Variants in IKZF2 observed in about 807,000 individuals in gnomAD.
IKZF2 encodes IKAROS family zinc finger 2, also known as zinc finger protein Helios.
IKZF2 carries 15 observed loss-of-function variants against 49.2 expected under a neutral mutation model. That is an observed-to-expected ratio of 0.30 (90% CI 0.20 to 0.47). The LOEUF (loss-of-function observed/expected upper bound fraction) is 0.47, where lower values mean the gene tolerates loss of function less well. IKZF2 is among the 20% of genes least tolerant of loss of function. The probability of loss-of-function intolerance (pLI) is 1.00; values close to 1 mark genes in which losing one functional copy is unlikely to be tolerated. For missense variants in IKZF2, 567 were observed against 664.6 expected, an observed-to-expected ratio of 0.85 and a Z score of 1.61; for synonymous variants, 227 against 221.4, an observed-to-expected ratio of 1.03 and a Z score of -0.23.
intron 6 of IKZF2, among the ~76,000 whole-genome samples, chr2:213,022,494 G>T (rs1697332428): frequency 9.7e-6 from 1 of 102,680 alleles, no homozygotes; most frequent in Admixed American, 1.2e-4. Context: ...ATCAAGAGTT[G>T]TGGTTTTTTT....
At chr2:213,018,252 T>C (rs1696824176) in intron 7 of IKZF2, among the ~76,000 whole-genome samples, 2 of 152,044 alleles carry the variant, frequency 1.3e-5, no homozygotes, top group Non-Finnish European at 2.9e-5. Context: ...ATAAGATAAA[T>C]AATCTGCCCT....
intron 5 of IKZF2, among the ~76,000 whole-genome samples, chr2:213,055,792 G>A (rs993051393): frequency 2.8e-4 from 43 of 152,130 alleles, no homozygotes; most frequent in African/African-American, 9.9e-4. Flanking sequence ...AAAAGACTTT[G>A]ACCTACCTTG....
intron 4 of IKZF2, among the ~76,000 whole-genome samples, chr2:213,135,224 C>T (rs1018959396): frequency 6.6e-6 from 1 of 152,148 alleles, no homozygotes; most frequent in African/African-American, 2.4e-5. Flanking sequence ...TATGTTTTAA[C>T]TCATTCTACT....
chr2:213,144,254 G>A (rs1360493754), intron 4 of IKZF2, among the ~76,000 whole-genome samples: 6 of 151,840 alleles, frequency 4.0e-5, no homozygotes, highest in Non-Finnish European at 7.4e-5. Flanking sequence ...TGACTGTACA[G>A]TTGATCCACT....
chr2:213,001,358 G>T lies in IKZF2; in HGVS notation c.*6002C>A, dbSNP rs1193855924. The stretch of plus-strand genomic sequence containing the variant: ...CCTTTCTAAACACTTGCAAATAACT[G>T]TCTAGTCTTTCATGATATACATTTT... On this transcript the variant is annotated 3_prime_UTR_variant, in exon 9 of 9. Coordinates refer to ENST00000434687, the MANE Select transcript of IKZF2 (RefSeq NM_001387220.1). 1 of 151,860 alleles carries T rather than the reference G, an allele frequency of 6.6e-6. No homozygotes were observed. The highest frequency in any genetic ancestry group is 1.5e-5 in the Non-Finnish European group (1 of 67,562). 9.4% of individuals were successfully genotyped at this position (151,860 alleles called of 1,614,324 possible).
chr2:213,078,895 T>A (rs910208620), intron 4 of IKZF2, among the ~76,000 whole-genome samples: 6 of 152,192 alleles, frequency 3.9e-5, no homozygotes, highest in African/African-American at 1.2e-4. Context: ...TTTCCAAACC[T>A]ATGAGAAACA....
In IKZF2 at chr2:213,008,040, T is replaced by C; in HGVS notation, c.901A>G (p.Met301Val). The change falls in exon 9 of 9, where the codon ATG (methionine) becomes GTG (valine). Residue 301 changes from methionine (M) to valine (V), a missense_variant. Physicochemically the swap from Met to Val is conservative, Grantham distance 21. Transcript: ENST00000434687. ...RFSYPDIHFD[M>V]NLTYEKEAEL... is the part of the protein sequence containing the mutation. ...GCCTCCTTCTCATATGTTAAGTTCA[T>C]ATCAAAGTGAATATCTGGGTAGCTG... 6.2e-7 allele frequency: 1 copy of C among 1,611,590 alleles called. No homozygotes were observed. The highest frequency in any genetic ancestry group is 8.5e-7 in the Non-Finnish European group (1 of 1,179,060).
At chr2:213,100,375 T>C (rs1487089220) in intron 4 of IKZF2, among the ~76,000 whole-genome samples, 2 of 152,010 alleles carry the variant, frequency 1.3e-5, no homozygotes, top group Admixed American at 6.6e-5. Flanking sequence ...TTAAGAATGA[T>C]AGATATTGAC....
chr2:213,113,187 A>G (rs1481640809), intron 4 of IKZF2, among the ~76,000 whole-genome samples: 2 of 152,166 alleles, frequency 1.3e-5, no homozygotes, highest in Admixed American at 1.3e-4. Flanking sequence ...ATAATCATTA[A>G]GTTGTCTCTT....
chr2:213,135,703 A>G (rs915952263), intron 4 of IKZF2, among the ~76,000 whole-genome samples: 1 of 152,084 alleles, frequency 6.6e-6, no homozygotes, highest in African/African-American at 2.4e-5. Context: ...AAAAGGAAAG[A>G]AAAAGGAAAA....
chr2:213,008,334 G>A (rs1195096691), intron 8 of IKZF2, among the ~76,000 whole-genome samples: 1 of 151,406 alleles, frequency 6.6e-6, no homozygotes, highest in South Asian at 2.1e-4. Context: ...CCAGTTCAAG[G>A]GATTCTCATG....
At chr2:213,019,904 T>G (rs1466933964) in intron 7 of IKZF2, among the ~76,000 whole-genome samples, 2 of 152,246 alleles carry the variant, frequency 1.3e-5, no homozygotes, top group Non-Finnish European at 2.9e-5. Flanking sequence ...CGTTAGCATT[T>G]GATTCTCTAA....
At chr2:213,056,077 G>C (rs2125377021) in intron 5 of IKZF2, among the ~76,000 whole-genome samples, 1 of 150,728 alleles carries the variant, frequency 6.6e-6, no homozygotes, top group South Asian at 2.1e-4. Context: ...TGCTTTTTAA[G>C]AAAAAAAAAT....
upstream of IKZF2, among the ~76,000 whole-genome samples, chr2:213,151,921 C>T (rs2061294470): frequency 6.6e-6 from 1 of 151,152 alleles, no homozygotes. Flanking sequence ...TCGGCGCGCT[C>T]GGCAATCGAT....
chr2:213,124,063 C>G (rs1249381838), intron 4 of IKZF2, among the ~76,000 whole-genome samples: 1 of 152,082 alleles, frequency 6.6e-6, no homozygotes, highest in African/African-American at 2.4e-5. Flanking sequence ...GCACTTGAAG[C>G]AGTCAAGCAA....
intron 6 of IKZF2, among the ~76,000 whole-genome samples, chr2:213,031,530 T>C (rs1017961192): frequency 1.3e-5 from 2 of 152,210 alleles, no homozygotes; most frequent in African/African-American, 2.4e-5. Flanking sequence ...AAATGTCTTA[T>C]GTAAGATTAT....
intron 3 of IKZF2, 45 bp downstream of exon 3, chr2:213,148,551 G>T: frequency 7.2e-7 from 1 of 1,392,038 alleles, no homozygotes; most frequent in Non-Finnish European, 1.0e-6. Flanking sequence ...GTAATACAAA[G>T]GCAACTTTAT....
intron 4 of IKZF2, among the ~76,000 whole-genome samples, chr2:213,093,580 T>TTA (rs1705602337): frequency 6.6e-6 from 1 of 152,194 alleles, no homozygotes; most frequent in Non-Finnish European, 1.5e-5. Context: ...TATTACATAC[T>TTA]TATATATGTG....
At chr2:213,142,846 T>C (rs2060920371) in intron 4 of IKZF2, among the ~76,000 whole-genome samples, 1 of 151,992 alleles carries the variant, frequency 6.6e-6, no homozygotes, top group Admixed American at 6.6e-5. Context: ...GCATACTAAG[T>C]GCACTCAATA....
Sources: allele counts gnomAD v4.1 joint callset (sites outside exome capture counted in the v4.1 genomes callset), GRCh38; gene constraint gnomAD v4.1.1; transcripts MANE v1.5; gene names NCBI Gene and HGNC (gene_info 2026-07-23, HGNC 2026-07-21).